The following PRUNE2 variants were observed in gnomAD, a reference collection of about 807,000 sequenced individuals.
The protein encoded by PRUNE2 is prune homolog 2 with BCH domain.
Under a neutral mutation model 252.0 loss-of-function variants are expected in PRUNE2, and 164 were observed. The ratio of observed to expected loss-of-function variants is 0.65; its 90% CI spans 0.57 to 0.74. The LOEUF (loss-of-function observed/expected upper bound fraction) is 0.74. PRUNE2 is among the 30% of genes least tolerant of loss of function. The pLI is 0.00. For missense variants in PRUNE2, 3,495 were observed against 3,711.0 expected (o/e 0.94, Z 1.51); for synonymous variants, 1,292 against 1,350.2 (o/e 0.96, Z 0.94).
At chr9:76,821,565 C>G (rs2058039684) in intron 6 of PRUNE2, among the ~76,000 whole-genome samples, 1 of 151,360 alleles carries the variant, frequency 6.6e-6, no homozygotes, top group African/African-American at 2.4e-5. Context: ...TTTTCCACTT[C>G]TCAGTCATCT....
At chr9:76,717,699 C>G (rs2047280638) in intron 6 of PRUNE2, among the ~76,000 whole-genome samples, 1 of 152,032 alleles carries the variant, frequency 6.6e-6, no homozygotes. Flanking sequence ...GCCACACACA[C>G]CTTCTGCATT....
chr9:76,701,137 T>G (rs1257407484), intron 9 of PRUNE2, among the ~76,000 whole-genome samples: 1 of 152,194 alleles, frequency 6.6e-6, no homozygotes, highest in Non-Finnish European at 1.5e-5. Context: ...AGTTCCTGAT[T>G]CCGGAGGTCT....
intron 4 of PRUNE2, among the ~76,000 whole-genome samples, chr9:76,840,476 G>C (rs2059321673): frequency 6.6e-6 from 1 of 152,174 alleles, no homozygotes; most frequent in Admixed American, 6.5e-5. Flanking sequence ...GAAGTACTTA[G>C]CTCATAGAAA....
intron 6 of PRUNE2, among the ~76,000 whole-genome samples, chr9:76,791,063 G>A (rs2055498760): frequency 6.6e-6 from 1 of 152,210 alleles, no homozygotes; most frequent in Admixed American, 6.5e-5. Flanking sequence ...AACAGTGACT[G>A]CCAGAGGTTG....
At chr9:76,715,929 G>GT (rs1259200415) in intron 6 of PRUNE2, among the ~76,000 whole-genome samples, 4 of 152,060 alleles carry the variant, frequency 2.6e-5, no homozygotes, top group Non-Finnish European at 5.9e-5. Flanking sequence ...CTTATTTCCA[G>GT]TAACTGAAGG....
chr9:76,628,994 C>T (rs1055799334), intron 16 of PRUNE2, among the ~76,000 whole-genome samples, 198 bp downstream of exon 16: 1 of 152,082 alleles, frequency 6.6e-6, no homozygotes, highest in Non-Finnish European at 1.5e-5. Flanking sequence ...CAGGCAAATG[C>T]CATCACGCCT....
chr9:76,630,264 T>G (rs75228856), intron 15 of PRUNE2, among the ~76,000 whole-genome samples: 4 of 90,092 alleles, frequency 4.4e-5, no homozygotes, highest in East Asian at 5.1e-4. Flanking sequence ...AAATTTTTGT[T>G]TTTTTTTTTT....
rs115857845 is a variant in PRUNE2, at chr9:76,702,578, C to T, written c.8276+759G>A. ...TATGCCCATTGGCTACCCAGAACCACGGCACAGAGCAAGCTCTCAAAAACC... is the reference window on the plus strand; with the variant it reads ...TATGCCCATTGGCTACCCAGAACCATGGCACAGAGCAAGCTCTCAAAAACC... On this transcript the variant is annotated intron_variant, in intron 9 of 18. Coordinates refer to ENST00000376718, the MANE Select transcript of PRUNE2 (RefSeq NM_015225.3). 6.9e-3 allele frequency among the ~76,000 whole-genome samples: 987 copies of T among 142,124 alleles called. 12 individuals are homozygous for T. The highest frequency in any genetic ancestry group is 0.022 in the African/African-American group (862 of 39,892). The allele number at this position is 142,124 out of a possible 152,430, so 93.2% of individuals were successfully genotyped here.
intron 6 of PRUNE2, chr9:76,764,574 T>C (rs1347327398): frequency 6.6e-6 from 1 of 152,348 alleles, no homozygotes; most frequent in African/African-American, 2.4e-5. Flanking sequence ...GCCATGGGAA[T>C]GGGTTTGGAA....
chr9:76,808,978 A>G (rs1460187431), intron 6 of PRUNE2: 1 of 152,184 alleles, frequency 6.6e-6, no homozygotes, highest in Non-Finnish European at 1.5e-5. Flanking sequence ...CTCAACATCA[A>G]TAACCATGCT....
intron 1 of PRUNE2, chr9:76,862,547 T>G (rs2060611434): frequency 6.6e-6 from 1 of 152,136 alleles, no homozygotes. Flanking sequence ...TAGAAGAGCT[T>G]CTTCTACTAA....
intron 6 of PRUNE2, among the ~76,000 whole-genome samples, chr9:76,731,786 C>CT (rs1193380246): frequency 6.6e-6 from 1 of 152,100 alleles, no homozygotes; most frequent in Non-Finnish European, 1.5e-5. Flanking sequence ...AGGCCTTGAG[C>CT]TTTGTCTGCA....
At chr9:76,898,380 G>C (rs1247602225) in intron 1 of PRUNE2, among the ~76,000 whole-genome samples, 1 of 152,168 alleles carries the variant, frequency 6.6e-6, no homozygotes, top group Non-Finnish European at 1.5e-5. Flanking sequence ...TCAAGGATGG[G>C]AACACAGACA....
intron 9 of PRUNE2, among the ~76,000 whole-genome samples, chr9:76,664,156 A>C (rs377576836): frequency 2.6e-5 from 4 of 152,224 alleles, no homozygotes; most frequent in Middle Eastern, 3.2e-3. Flanking sequence ...AATGGATGGT[A>C]GGTGACTTCT....
Position 76,826,561 on chromosome 9 carries a change from T to C in PRUNE2, c.661+19A>G. The C allele has an allele frequency of 1.3e-6, 2 of 1,548,520 alleles. No individual in the cohort carries two copies. Among genetic ancestry groups the C allele is most frequent in the Non-Finnish European group, 8.8e-7 (1 of 1,142,134 alleles). On this transcript the variant is annotated intron_variant, in intron 5 of 18. Coordinates refer to ENST00000376718, the MANE Select transcript of PRUNE2 (RefSeq NM_015225.3). ...CCCTACTCGGGAGGGACAAGAGAGC[T>C]GGGGACAGAGTCACTCACCCTGAGC...
intron 6 of PRUNE2, among the ~76,000 whole-genome samples, chr9:76,758,040 T>C (rs895570341): frequency 2.6e-5 from 4 of 152,204 alleles, no homozygotes; most frequent in Non-Finnish European, 5.9e-5. Flanking sequence ...TAATAATTTT[T>C]TCTTCTGGTT....
At chr9:76,898,919 C>T (rs1409270266) in intron 1 of PRUNE2, among the ~76,000 whole-genome samples, 2 of 152,218 alleles carry the variant, frequency 1.3e-5, no homozygotes, top group Non-Finnish European at 1.5e-5. Flanking sequence ...CATGATCACG[C>T]TCCACCACAA....
chr9:76,803,303 T>C lies in PRUNE2; in HGVS notation c.756+20329A>G, dbSNP rs549211051. ...GACGCAAATACCTAGCATGGAAGAA[T>C]GTGTGGAATGTGAAAAGGGACAAGA... is the stretch of plus-strand genomic sequence containing the variant. On this transcript the variant is annotated intron_variant, in intron 6 of 18. Coordinates refer to ENST00000376718, the MANE Select transcript of PRUNE2 (RefSeq NM_015225.3). 2.6e-5 allele frequency among the ~76,000 whole-genome samples: 4 copies of C among 152,270 alleles called. No homozygotes were observed. The East Asian group carries it at 7.7e-4, about 29-fold the overall frequency.
At chr9:76,905,842 C>CTCCTCTGCTGCAACACCTTT (rs2063463068) in intron 1 of PRUNE2, 86 bp downstream of exon 1, 1 of 1,559,680 alleles carries the variant, frequency 6.4e-7, no homozygotes, top group Non-Finnish European at 8.8e-7. Context: ...TTGTTTCTTC[C>CTCCTCTGCTGCAACACCTTT]TCCTCTGCTG....
Sources: allele counts gnomAD v4.1 joint callset (sites outside exome capture counted in the v4.1 genomes callset), GRCh38; gene constraint gnomAD v4.1.1; transcripts MANE v1.5; gene names NCBI Gene and HGNC (gene_info 2026-07-23, HGNC 2026-07-21).